FOXN2: variants seen among roughly 807,000 people sequenced by gnomAD.
The protein encoded by FOXN2 is forkhead box protein N2.
Under a neutral mutation model 41.2 loss-of-function variants are expected in FOXN2, and 19 were observed. The ratio of observed to expected loss-of-function variants is 0.46; its 90% confidence interval spans 0.32 to 0.68. The LOEUF (loss-of-function observed/expected upper bound fraction) is 0.68. Among genes scored for constraint, FOXN2 ranks in the 30% least tolerant of loss-of-function variants. FOXN2 has a pLI of 0.03. For synonymous variants in FOXN2, 195 were observed against 176.8 expected (o/e 1.10, Z -0.82); for missense variants, 587 against 509.4 (o/e 1.15, Z -1.47).
intron 3 of FOXN2, among the ~76,000 whole-genome samples, chr2:48,350,265 T>A (rs759432169): frequency 2.0e-5 from 3 of 152,228 alleles, no homozygotes; most frequent in Non-Finnish European, 4.4e-5. Flanking sequence ...CCCATTATGG[T>A]GGAGAAACTC....
At chr2:48,372,436 T>G (rs955302682) in intron 5 of FOXN2, among the ~76,000 whole-genome samples, 5 of 152,330 alleles carry the variant, frequency 3.3e-5, no homozygotes, top group Admixed American at 2.6e-4. Flanking sequence ...ATTAGAAATT[T>G]CATATCTGAG....
chr2:48,339,641 A>G (rs1670607925), intron 2 of FOXN2, among the ~76,000 whole-genome samples: 1 of 152,202 alleles, frequency 6.6e-6, no homozygotes, highest in African/African-American at 2.4e-5. Context: ...AAGTACATGA[A>G]GCATTTGGTA....
At chr2:48,345,654 T>C (rs1232676216) in intron 2 of FOXN2, among the ~76,000 whole-genome samples, 1 of 152,134 alleles carries the variant, frequency 6.6e-6, no homozygotes, top group Non-Finnish European at 1.5e-5. Flanking sequence ...GAAATAAAAA[T>C]GTTATCTCTT....
chr2:48,362,561 A>G, intron 4 of FOXN2, 82 bp from the exon 5 acceptor site: 2 of 1,219,868 alleles, frequency 1.6e-6, no homozygotes, highest in Non-Finnish European at 1.2e-6. Context: ...CAGCAGAGTG[A>G]GAGAGAACCT....
intron 5 of FOXN2, among the ~76,000 whole-genome samples, chr2:48,366,245 G>T (rs1363032809): frequency 6.6e-6 from 1 of 151,766 alleles, no homozygotes; most frequent in African/African-American, 2.4e-5. Flanking sequence ...TGTAATTCCA[G>T]CTACTCAGGA....
intron 3 of FOXN2, among the ~76,000 whole-genome samples, chr2:48,354,346 A>G (rs1671649246): frequency 6.6e-6 from 1 of 152,216 alleles, no homozygotes; most frequent in African/African-American, 2.4e-5. Flanking sequence ...TCACACCTGT[A>G]ATCCCAGCAC....
At chr2:48,372,251 G>C (rs914338888) in intron 5 of FOXN2, among the ~76,000 whole-genome samples, 2 of 152,192 alleles carry the variant, frequency 1.3e-5, no homozygotes, top group Non-Finnish European at 2.9e-5. Context: ...ACTTAAGCCT[G>C]TTAGTGTTAT....
At chr2:48,356,302 A>G (rs965064963) in intron 3 of FOXN2, among the ~76,000 whole-genome samples, 1 of 151,998 alleles carries the variant, frequency 6.6e-6, no homozygotes, top group African/African-American at 2.4e-5. Flanking sequence ...TTAGCCGGGC[A>G]TGGTGGTGCA....
intron 2 of FOXN2, among the ~76,000 whole-genome samples, chr2:48,333,450 T>C (rs1290910855): frequency 2.0e-5 from 3 of 152,156 alleles, no homozygotes; most frequent in African/African-American, 7.2e-5. Context: ...TCATAATACA[T>C]TTCCTTATCA....
At chr2:48,344,466 G>T (rs1261673899) in intron 2 of FOXN2, among the ~76,000 whole-genome samples, 1 of 152,190 alleles carries the variant, frequency 6.6e-6, no homozygotes, top group Non-Finnish European at 1.5e-5. Flanking sequence ...GAGTCAGTCT[G>T]CCTGGATTTA....
chr2:48,364,286 G>A (rs1168097962), intron 5 of FOXN2, among the ~76,000 whole-genome samples: 1 of 152,070 alleles, frequency 6.6e-6, no homozygotes, highest in Non-Finnish European at 1.5e-5. Flanking sequence ...AGAGGGCAAT[G>A]GCACAGTCAT....
intron 4 of FOXN2, among the ~76,000 whole-genome samples, chr2:48,362,270 TA>T (rs1432453506): frequency 6.6e-6 from 1 of 152,182 alleles, no homozygotes; most frequent in Non-Finnish European, 1.5e-5. Flanking sequence ...CTAAGTTCTA[TA>T]AAAAGTGAAA....
intron 4 of FOXN2, among the ~76,000 whole-genome samples, chr2:48,359,531 T>G (rs1263469949): frequency 6.6e-6 from 1 of 152,148 alleles, no homozygotes; most frequent in Non-Finnish European, 1.5e-5. Context: ...TGACTTCAAG[T>G]GATCCTCCCA....
At chr2:48,372,399 A>G (rs575525214) in intron 5 of FOXN2, among the ~76,000 whole-genome samples, 1 of 152,322 alleles carries the variant, frequency 6.6e-6, no homozygotes, top group Non-Finnish European at 1.5e-5. Flanking sequence ...CTTTATGGTA[A>G]TAAAAATTTC....
chr2:48,326,116 C>T (rs1669657639), intron 1 of FOXN2, among the ~76,000 whole-genome samples: 1 of 152,138 alleles, frequency 6.6e-6, no homozygotes, highest in Non-Finnish European at 1.5e-5. Flanking sequence ...TACCAGATTG[C>T]TGGGATTACA....
intron 4 of FOXN2, among the ~76,000 whole-genome samples, chr2:48,361,890 C>G (rs1327360576): frequency 1.3e-5 from 2 of 152,112 alleles, no homozygotes; most frequent in Non-Finnish European, 2.9e-5. Flanking sequence ...TGTTCCTTAA[C>G]CATGAATTTT....
chr2:48,322,773 A>G (rs916060332), intron 1 of FOXN2, among the ~76,000 whole-genome samples: 1 of 148,538 alleles, frequency 6.7e-6, no homozygotes, highest in Admixed American at 6.7e-5. Context: ...TATATAATAC[A>G]ATATATATAT....
At chr2:48,363,338 T>C (rs1422774859) in intron 5 of FOXN2, among the ~76,000 whole-genome samples, 1 of 152,156 alleles carries the variant, frequency 6.6e-6, no homozygotes, top group Non-Finnish European at 1.5e-5. Flanking sequence ...CTGTATTATG[T>C]ATTTTATGCT....
At position 48,357,201 on chromosome 2, in the gene FOXN2, T is replaced by G. The variant is rs182891759; in HGVS notation, c.538-1846T>G. Among the ~76,000 whole-genome samples the G allele has an allele frequency of 2.4e-4, 36 of 152,316 alleles. No homozygotes were observed. The East Asian group carries it at 6.9e-3, about 29-fold the overall frequency. On this transcript the variant is annotated intron_variant, in intron 3 of 6. Coordinates refer to ENST00000340553, the MANE Select transcript of FOXN2 (RefSeq NM_002158.4). ...TTACTTGAGACCATACTCAAGATAC[T>G]TAACTGCCCTGAAACTGCACGTTTT...
Sources: allele counts gnomAD v4.1 joint callset (sites outside exome capture counted in the v4.1 genomes callset), GRCh38; gene constraint gnomAD v4.1.1; transcripts MANE v1.5; gene names NCBI Gene and HGNC (gene_info 2026-07-23, HGNC 2026-07-21).